GRIK1: variants seen among roughly 807,000 people sequenced by gnomAD.
The protein encoded by GRIK1 is glutamate ionotropic receptor kainate type subunit 1.
Under a neutral mutation model 105.7 loss-of-function variants are expected in GRIK1, and 69 were observed. The ratio of observed to expected loss-of-function variants is 0.65; its 90% CI spans 0.54 to 0.80. The LOEUF (loss-of-function observed/expected upper bound fraction) is 0.80. Ranked by LOEUF, GRIK1 falls within the 30% of genes least tolerant of loss-of-function variation. The pLI is 0.00. For synonymous variants in GRIK1, 438 were observed against 431.3 expected (o/e 1.02, Z -0.19); for missense variants, 1,109 against 1,167.3 (o/e 0.95, Z 0.73).
At chr21:29,826,487 A>G (rs1022115946) in intron 1 of GRIK1, among the ~76,000 whole-genome samples, 8 of 152,068 alleles carry the variant, frequency 5.3e-5, no homozygotes, top group African/African-American at 1.7e-4. Context: ...GCCTGAATAG[A>G]AAAAAGACTG....
At chr21:29,785,443 A>G (rs2066231721) in intron 1 of GRIK1, among the ~76,000 whole-genome samples, 1 of 151,928 alleles carries the variant, frequency 6.6e-6, no homozygotes, top group Admixed American at 6.6e-5. Flanking sequence ...GTGAGCCTGT[A>G]ATCCCAGCTA....
At chr21:29,687,033 C>T (rs1399555082) in intron 3 of GRIK1, among the ~76,000 whole-genome samples, 2 of 152,106 alleles carry the variant, frequency 1.3e-5, no homozygotes, top group African/African-American at 2.4e-5. Context: ...AGAGACGAGG[C>T]GAGACGAAAC....
At chr21:29,711,008 T>G (rs1373452874) in intron 1 of GRIK1, among the ~76,000 whole-genome samples, 2 of 152,078 alleles carry the variant, frequency 1.3e-5, no homozygotes, top group Admixed American at 6.6e-5. Flanking sequence ...TTGATTCTTG[T>G]TTTGAGTTTC....
At chr21:29,899,472 G>T (rs943626494) in intron 1 of GRIK1, among the ~76,000 whole-genome samples, 4 of 151,498 alleles carry the variant, frequency 2.6e-5, no homozygotes, top group Non-Finnish European at 5.9e-5. Context: ...TTGCTGTCCT[G>T]ATCAGTCTCT....
intron 1 of GRIK1, among the ~76,000 whole-genome samples, chr21:29,905,776 G>T (rs2070611539): frequency 6.7e-6 from 1 of 150,080 alleles, no homozygotes. Context: ...ACAGGCGCCC[G>T]CCACTACGCC....
At chr21:29,684,616 T>C (rs2063452815) in intron 3 of GRIK1, among the ~76,000 whole-genome samples, 1 of 152,162 alleles carries the variant, frequency 6.6e-6, no homozygotes, top group Non-Finnish European at 1.5e-5. Context: ...CATGCCATTC[T>C]CCTGCCTCAG....
At chr21:29,670,819 A>G (rs951029030) in intron 4 of GRIK1, among the ~76,000 whole-genome samples, 4 of 152,230 alleles carry the variant, frequency 2.6e-5, no homozygotes, top group Non-Finnish European at 5.9e-5. Flanking sequence ...CTTATGATAA[A>G]GGATTACTGA....
intron 1 of GRIK1, among the ~76,000 whole-genome samples, chr21:29,831,483 G>A (rs900184901): frequency 6.6e-6 from 1 of 152,190 alleles, no homozygotes; most frequent in African/African-American, 2.4e-5. Context: ...TTGACTCATG[G>A]TTCAACAGAA....
chr21:29,885,845 G>C (rs1329095017), intron 1 of GRIK1, among the ~76,000 whole-genome samples: 1 of 151,990 alleles, frequency 6.6e-6, no homozygotes, highest in African/African-American at 2.4e-5. Context: ...GATATAAACA[G>C]GAAAATCAGA....
intron 16 of GRIK1, among the ~76,000 whole-genome samples, chr21:29,545,113 C>T (rs1365833600): frequency 6.6e-6 from 1 of 152,178 alleles, no homozygotes; most frequent in Non-Finnish European, 1.5e-5. Flanking sequence ...GCAGCTAAAA[C>T]ATTTTCCTGC....
chr21:29,792,192 A>G (rs574373017), intron 1 of GRIK1, among the ~76,000 whole-genome samples: 231 of 152,112 alleles, frequency 1.5e-3, no homozygotes, highest in Non-Finnish European at 2.7e-3. Context: ...ATGTGTGGAT[A>G]TATATACACA....
chr21:29,809,354 C>T (rs1389692741), intron 1 of GRIK1, among the ~76,000 whole-genome samples: 1 of 152,148 alleles, frequency 6.6e-6, no homozygotes, highest in Non-Finnish European at 1.5e-5. Flanking sequence ...CTACTGTAGT[C>T]TAAGTGTGCA....
chr21:29,587,508 G>C lies in GRIK1; in HGVS notation c.1651C>G (p.Leu551Val), dbSNP rs1295116988. The C allele has an allele frequency of 1.2e-6, 2 of 1,613,132 alleles. No homozygotes were observed. The highest frequency in any genetic ancestry group is 4.5e-5 in the East Asian group (2 of 44,874). ...TTCCGGTAGAGAATGCTGATGCCTAGGGTCATGAAGGGTTTGGAGAAGTCA... is the reference window on the plus strand; with the variant it reads ...TTCCGGTAGAGAATGCTGATGCCTACGGTCATGAAGGGTTTGGAGAAGTCA... ...VIDFSKPFMT[L>V]GISILYRKPN... The change falls in exon 12 of 18, where the codon CTA (leucine) becomes GTA (valine). Residue 551 changes from leucine to valine, a missense_variant. Physicochemically the swap from Leu to Val is conservative, Grantham distance 32. Transcript: ENST00000327783.
intron 6 of GRIK1, among the ~76,000 whole-genome samples, chr21:29,644,215 G>A (rs549911370): frequency 2.6e-5 from 4 of 151,734 alleles, no homozygotes; most frequent in Non-Finnish European, 5.9e-5. Context: ...TTGAGGTCAC[G>A]GAATACCTCT....
At chr21:29,691,850 A>C (rs2063590095) in intron 2 of GRIK1, among the ~76,000 whole-genome samples, 1 of 152,240 alleles carries the variant, frequency 6.6e-6, no homozygotes, top group African/African-American at 2.4e-5. Flanking sequence ...AATGTTTACA[A>C]GAAAAACTTT....
intron 1 of GRIK1, among the ~76,000 whole-genome samples, chr21:29,815,439 G>A (rs916977796): frequency 2.6e-5 from 4 of 152,106 alleles, no homozygotes; most frequent in South Asian, 4.1e-4. Flanking sequence ...AGTTGATGAC[G>A]GCTGTTTTGA....
At chr21:29,739,027 T>C (rs981526904) in intron 1 of GRIK1, among the ~76,000 whole-genome samples, 1 of 152,198 alleles carries the variant, frequency 6.6e-6, no homozygotes, top group Admixed American at 6.5e-5. Context: ...TGTGCCAGAA[T>C]GGTTTTGAGG....
chr21:29,834,519 T>G (rs1469598110), intron 1 of GRIK1, among the ~76,000 whole-genome samples: 4 of 151,012 alleles, frequency 2.6e-5, no homozygotes. Context: ...ATTCTTCTGT[T>G]TACTTGGCCT....
At chr21:29,937,747 T>C (rs141865250) in intron 1 of GRIK1, among the ~76,000 whole-genome samples, 67 of 152,106 alleles carry the variant, frequency 4.4e-4, no homozygotes, top group African/African-American at 1.5e-3. Flanking sequence ...TTAATAAGTA[T>C]TGGAAATTAT....
Sources: gnomAD v4.1 joint callset for allele counts (sites outside exome capture counted in the v4.1 genomes callset) on GRCh38, gnomAD v4.1.1 for gene constraint, MANE v1.5 for transcripts, NCBI Gene and HGNC (gene_info 2026-07-23, HGNC 2026-07-21) for gene names.